SYCE1L: variants seen among roughly 807,000 people sequenced by gnomAD.
The protein encoded by SYCE1L is synaptonemal complex central element protein 1 like, also known as synaptonemal complex central element protein 1-like.
A neutral mutation model predicts 39.6 loss-of-function variants in SYCE1L; 51 were observed. The ratio of observed to expected loss-of-function variants is 1.29; its 90% CI spans 1.03 to 1.63. The LOEUF (loss-of-function observed/expected upper bound fraction) is 1.63. Ranked by LOEUF, SYCE1L falls within the 40% of genes most tolerant of loss-of-function variation. The probability of loss-of-function intolerance (pLI) is 0.00; values close to 1 mark genes in which losing one functional copy is unlikely to be tolerated. For missense variants in SYCE1L, 426 were observed against 304.9 expected (o/e 1.40, Z -2.96); for synonymous variants, 147 against 122.4 (o/e 1.20, Z -1.33).
intron 4 of SYCE1L, among the ~76,000 whole-genome samples, chr16:77,208,764 T>C (rs900048740): frequency 6.6e-6 from 1 of 152,244 alleles, no homozygotes; most frequent in Admixed American, 6.5e-5. Context: ...CTCTTGGTCA[T>C]TCTCACGCCC....
chr16:77,205,812 T>C (rs985214572), intron 1 of SYCE1L, among the ~76,000 whole-genome samples: 1 of 152,132 alleles, frequency 6.6e-6, no homozygotes, highest in Non-Finnish European at 1.5e-5. Flanking sequence ...TGTTCCTTCA[T>C]CTAGAGGCTC....
At chr16:77,205,056 A>AAAACAAAG (rs1555502754) in intron 1 of SYCE1L, among the ~76,000 whole-genome samples, 1 of 140,668 alleles carries the variant, frequency 7.1e-6, no homozygotes, top group Non-Finnish European at 1.5e-5. Context: ...AAAAAAAAAA[A>AAAACAAAG]AAAAGAAAAG....
At chr16:77,204,772 C>T (rs1344794969) in intron 1 of SYCE1L, among the ~76,000 whole-genome samples, 2 of 152,094 alleles carry the variant, frequency 1.3e-5, no homozygotes, top group East Asian at 1.9e-4. Context: ...TGGCCGGCTG[C>T]GGTGGCTCAC....
chr16:77,212,159 C>G lies in SYCE1L; in HGVS notation c.453C>G (p.Ile151Met). ...TGGAGCAGCGACTGGCCCGGGAGAT[C>G]CGTGCCCTGGAGAGAAGCAAGGAGC... ...HMLEQRLARE[I>M]RALERSKEQL... The change falls in exon 8 of 11, where the codon ATC (isoleucine) becomes ATG (methionine). Residue 151 changes from isoleucine to methionine, a missense_variant. Physicochemically the swap from Ile to Met is conservative, Grantham distance 10. Coordinates refer to ENST00000378644, the MANE Select transcript of SYCE1L (RefSeq NM_001129979.3). 1 of 1,549,214 alleles carries G rather than the reference C, an allele frequency of 6.5e-7. No individual in the cohort carries two copies.
chr16:77,205,903 T>A (rs1043789733), intron 1 of SYCE1L, among the ~76,000 whole-genome samples: 18 of 152,048 alleles, frequency 1.2e-4, no homozygotes, highest in Admixed American at 4.6e-4. Context: ...ACTCTCTATA[T>A]TAAAAATAAA....
chr16:77,211,790 G>A (rs1474742746), intron 7 of SYCE1L, among the ~76,000 whole-genome samples: 1 of 152,192 alleles, frequency 6.6e-6, no homozygotes, highest in Non-Finnish European at 1.5e-5. Flanking sequence ...ACGCAGAGGT[G>A]AAGGAAGTGA....
chr16:77,208,108 T>G, intron 2 of SYCE1L, 102 bp from the exon 3 acceptor site: 1 of 1,201,776 alleles, frequency 8.3e-7, no homozygotes, highest in Non-Finnish European at 1.2e-6. Flanking sequence ...GCTCAATATA[T>G]GCCGGTTAAT....
chr16:77,200,477 C>G (rs981823858), intron 1 of SYCE1L: 3 of 150,388 alleles, frequency 2.0e-5, no homozygotes, highest in African/African-American at 7.3e-5. Context: ...CTCCCTTGGC[C>G]GGGCTTGGTG....
rs1438205389 is a variant in SYCE1L, at chr16:77,206,479, A to T, written c.100A>T (p.Met34Leu). The change falls in exon 2 of 11, where the codon ATG (methionine) becomes TTG (leucine). Residue 34 changes from methionine to leucine, a missense_variant. Met to Leu is a conservative substitution (Grantham distance 15). Coordinates refer to ENST00000378644, the MANE Select transcript of SYCE1L (RefSeq NM_001129979.3). Reference sequence around the variant, plus strand: ...TTTGAAGACTGAAGACTTGCTGGCAATGGTGATAAAGCTGCAGAAAGGTCA... The same window carrying T: ...TTTGAAGACTGAAGACTTGCTGGCATTGGTGATAAAGCTGCAGAAAGGTCA... The part of the protein sequence containing the change: ...KSLKTEDLLA[M>L]VIKLQKEGSL... The T allele has an allele frequency of 3.2e-6, 5 of 1,551,654 alleles. No homozygotes were observed. The highest frequency in any genetic ancestry group is 4.4e-6 in the Non-Finnish European group (5 of 1,147,016).
At chr16:77,204,652 C>A (rs1249863681) in intron 1 of SYCE1L, among the ~76,000 whole-genome samples, 1 of 152,130 alleles carries the variant, frequency 6.6e-6, no homozygotes, top group Non-Finnish European at 1.5e-5. Context: ...GAATGCCATG[C>A]AGCCACTAAA....
chr16:77,202,677 A>C (rs2054754819), intron 1 of SYCE1L, among the ~76,000 whole-genome samples: 1 of 152,206 alleles, frequency 6.6e-6, no homozygotes, highest in African/African-American at 2.4e-5. Flanking sequence ...AGTTGTGATT[A>C]TAGGATTGGG....
rs754732200 is a variant in SYCE1L, at chr16:77,209,133, G to A, written c.293G>A (p.Gly98Asp). The part of the protein sequence containing the change: ...GEKVHLEEVL[G>D]KKQEALRILQ... ...AAAGTGCACCTAGAGGAGGTCTTGGGCAAAAAGCAAGGTATTTACCAGTTG... is the reference window on the plus strand; with the variant it reads ...AAAGTGCACCTAGAGGAGGTCTTGGACAAAAAGCAAGGTATTTACCAGTTG... Residue 98 changes from glycine to aspartate, a missense_variant, in exon 5 of 11, where the codon GGC becomes GAC. Physicochemically the swap from Gly to Asp is moderately conservative, Grantham distance 94. Coordinates refer to ENST00000378644, the MANE Select transcript of SYCE1L (RefSeq NM_001129979.3). 9.7e-6 allele frequency: 15 copies of A among 1,551,422 alleles called. 1 individual carries two copies. The highest frequency in any genetic ancestry group is 4.9e-5 in the East Asian group (2 of 40,920).
At position 77,212,945 on chromosome 16, in the gene SYCE1L, G is replaced by A; in HGVS notation, c.*14G>A. The stretch of plus-strand genomic sequence containing the variant: ...GACGCCCTCTAGGCCAGCAGGACCC[G>A]CCCGTTCCCGACCTTCCCTCGAGAC... On this transcript the variant is annotated 3_prime_UTR_variant, in exon 11 of 11. Transcript: ENST00000378644. The A allele has an allele frequency of 1.3e-6, 2 of 1,491,574 alleles. No homozygotes were observed. Among genetic ancestry groups the A allele is most frequent in the Non-Finnish European group, 1.8e-6 (2 of 1,122,510 alleles). 92.4% of individuals were successfully genotyped at this position (1,491,574 alleles called of 1,614,324 possible). A position where few individuals can be genotyped will look rare whatever the true frequency, so the allele number is the denominator to read the frequency against.
Position 77,212,048 on chromosome 16 carries a change from C to G in SYCE1L, c.424-82C>G, listed in dbSNP as rs138528973. 6.0e-5 allele frequency: 86 copies of G among 1,431,324 alleles called. No individual in the cohort carries two copies. The African/African-American group carries it at 1.1e-3, about 18-fold the overall frequency. The allele number at this position is 1,431,324 out of a possible 1,614,324, so 88.7% of individuals were successfully genotyped here. ...AATGACCTAATGTAGGTGAAGACTT[C>G]GCGAGAAGCACAAAAGGGGAGGGGC... On this transcript the variant is annotated intron_variant, in intron 7 of 10. Transcript: ENST00000378644.
chr16:77,212,878 G>T lies in SYCE1L; in HGVS notation c.676G>T (p.Ala226Ser), dbSNP rs757598108. 1.3e-6 allele frequency: 2 copies of T among 1,522,806 alleles called. No individual in the cohort carries two copies. Among genetic ancestry groups the T allele is most frequent in the East Asian group, 2.5e-5 (1 of 39,676 alleles). The allele number at this position is 1,522,806 out of a possible 1,614,324, so 94.3% of individuals were successfully genotyped here. The change falls in exon 11 of 11, where the codon GCT becomes TCT. Residue 226 changes from alanine (A) to serine (S), a missense_variant. Transcript: ENST00000378644. ...GCAGGCCGGACCTGAGCTCCCCCGCGCTCGCGACGAGGAGGATCCCGAGCC... is the reference window on the plus strand; with the variant it reads ...GCAGGCCGGACCTGAGCTCCCCCGCTCTCGCGACGAGGAGGATCCCGAGCC... ...EGEAGPELPR[A>S]RDEEDPEPPV...
intron 1 of SYCE1L, among the ~76,000 whole-genome samples, chr16:77,202,841 G>A (rs2054756283): frequency 7.8e-6 from 1 of 128,506 alleles, no homozygotes; most frequent in Non-Finnish European, 1.8e-5. Context: ...GTCAGATCTA[G>A]GCAATGAGCA....
chr16:77,204,487 C>A (rs1045471961), intron 1 of SYCE1L, among the ~76,000 whole-genome samples: 2 of 152,132 alleles, frequency 1.3e-5, no homozygotes, highest in African/African-American at 4.8e-5. Flanking sequence ...AAGACACAGA[C>A]AGGGAAGACC....
At chr16:77,209,183 C>G (rs1279168839) in intron 5 of SYCE1L, 39 bp downstream of exon 5, 4 of 1,548,038 alleles carry the variant, frequency 2.6e-6, no homozygotes, top group Non-Finnish European at 3.5e-6. Context: ...TTCTACTCTT[C>G]CACCCCACAA....
chr16:77,208,596 C>T, intron 4 of SYCE1L, 57 bp downstream of exon 4: 1 of 1,518,290 alleles, frequency 6.6e-7, no homozygotes, highest in East Asian at 2.5e-5. Flanking sequence ...GTGCATACCT[C>T]AGGGCCTTTG....
Sources: gnomAD v4.1 joint callset for allele counts (sites outside exome capture counted in the v4.1 genomes callset) on GRCh38, gnomAD v4.1.1 for gene constraint, MANE v1.5 for transcripts, NCBI Gene and HGNC (gene_info 2026-07-23, HGNC 2026-07-21) for gene names.